RBM39: variants seen among roughly 807,000 people sequenced by gnomAD.
RBM39 encodes RNA-binding protein 39.
Under a neutral mutation model 79.6 loss-of-function variants are expected in RBM39, and 12 were observed. That is an observed-to-expected ratio of 0.15 (90% CI 0.10 to 0.24). RBM39 has a LOEUF of 0.24. RBM39 is among the 10% of genes least tolerant of loss of function. The pLI is 1.00. For missense variants in RBM39, 243 were observed against 653.4 expected, an observed-to-expected ratio of 0.37 and a Z score of 6.85; for synonymous variants, 185 against 208.4, an observed-to-expected ratio of 0.89 and a Z score of 0.97.
intron 4 of RBM39, among the ~76,000 whole-genome samples, chr20:35,730,537 A>G (rs1168962487): frequency 6.6e-6 from 1 of 152,152 alleles, no homozygotes; most frequent in African/African-American, 2.4e-5. Flanking sequence ...ACAGTTCTCA[A>G]GTAATTAGTT....
At chr20:35,715,031 T>C (rs1342844882) in intron 10 of RBM39, among the ~76,000 whole-genome samples, 2 of 152,254 alleles carry the variant, frequency 1.3e-5, no homozygotes, top group Non-Finnish European at 2.9e-5. Flanking sequence ...AACAGCCTAA[T>C]GACCAGTAAG....
At chr20:35,705,404 A>G in intron 14 of RBM39, 74 bp from the exon 15 acceptor site, 2 of 838,628 alleles carry the variant, frequency 2.4e-6, no homozygotes, top group Admixed American at 6.1e-5. Flanking sequence ...GTATCAAAAA[A>G]TTTAAATATT....
intron 8 of RBM39, 76 bp downstream of exon 8, chr20:35,724,494 A>G (rs1050592580): frequency 1.4e-5 from 19 of 1,387,244 alleles, no homozygotes; most frequent in Non-Finnish European, 1.6e-5. Flanking sequence ...GTCACAGAAC[A>G]CAACAGCACT....
At chr20:35,723,095 T>C (rs193060799) in intron 8 of RBM39, among the ~76,000 whole-genome samples, 189 of 152,130 alleles carry the variant, frequency 1.2e-3, no homozygotes, top group Middle Eastern at 6.8e-3. Flanking sequence ...CAACATTCAC[T>C]AAAATACTCT....
Position 35,720,837 on chromosome 20 carries a change from C to A in RBM39, c.825+903G>T, listed in dbSNP as rs577467920. ...GGTCACATACTGTTAGGCAGAACAG[C>A]CTTGCCAGAGGGGCATTCACCCACT... is the stretch of plus-strand genomic sequence containing the variant. On this transcript the variant is annotated intron_variant, in intron 9 of 16. Transcript: ENST00000253363. Among the ~76,000 whole-genome samples, 11 of 152,284 alleles carry A rather than the reference C, an allele frequency of 7.2e-5. No homozygotes were observed. In the East Asian group the frequency reaches 2.1e-3, roughly 29 times the overall value.
chr20:35,724,068 ACAAC>A (rs953983677), intron 8 of RBM39, among the ~76,000 whole-genome samples: 2 of 152,004 alleles, frequency 1.3e-5, no homozygotes, highest in Non-Finnish European at 2.9e-5. Context: ...GTGGTGGCTC[ACAAC>A]TGTAATCTCA....
chr20:35,721,657 TAAC>T lies in RBM39; in HGVS notation c.825+80_825+82del. On this transcript the variant is annotated intron_variant, in intron 9 of 16. Transcript: ENST00000253363. The stretch of plus-strand genomic sequence containing the variant: ...CTCTTAATATTAACTCACAGAAAGA[TAAC>T]AAAGCAAGACATACAGAAATTATGT... 2.0e-6 allele frequency: 3 copies of T among 1,473,066 alleles called. No individual in the cohort carries two copies. In the South Asian group the frequency reaches 3.9e-5, roughly 19 times the overall value. 91.2% of individuals were successfully genotyped at this position (1,473,066 alleles called of 1,614,324 possible).
intron 6 of RBM39, among the ~76,000 whole-genome samples, chr20:35,727,713 G>C (rs1195769463): frequency 6.8e-6 from 1 of 148,060 alleles, no homozygotes; most frequent in Non-Finnish European, 1.5e-5. Flanking sequence ...GCAATGGCGC[G>C]ATCTCGGCTC....
intron 3 of RBM39, among the ~76,000 whole-genome samples, chr20:35,735,925 A>C (rs561120273): frequency 2.0e-5 from 3 of 152,362 alleles, no homozygotes; most frequent in African/African-American, 7.2e-5. Context: ...CTTGATGCTC[A>C]GCTTCCTTGT....
intron 2 of RBM39, 186 bp from the exon 3 acceptor site, chr20:35,739,203 A>G: frequency 1.6e-6 from 1 of 634,536 alleles, no homozygotes. Context: ...TGTTGCTTAC[A>G]TTTAAGTCAT....
intron 6 of RBM39, among the ~76,000 whole-genome samples, chr20:35,726,021 A>G (rs1239402964): frequency 2.0e-5 from 3 of 152,152 alleles, no homozygotes; most frequent in African/African-American, 7.2e-5. Flanking sequence ...AAACTATTCA[A>G]TGTAACTCAA....
At chr20:35,734,390 T>G (rs2039691538) in intron 3 of RBM39, 1 of 331,006 alleles carries the variant, frequency 3.0e-6, no homozygotes, top group African/African-American at 2.2e-5. Context: ...TAGGTAACAC[T>G]CCAATTTTGT....
At chr20:35,715,015 G>C (rs938218610) in intron 10 of RBM39, among the ~76,000 whole-genome samples, 1 of 152,154 alleles carries the variant, frequency 6.6e-6, no homozygotes, top group Admixed American at 6.5e-5. Flanking sequence ...GTTCATTGAC[G>C]TACGTAACAG....
chr20:35,740,300 C>G (rs567074858), intron 2 of RBM39: 1 of 287,404 alleles, frequency 3.5e-6, no homozygotes, highest in African/African-American at 2.2e-5. Flanking sequence ...TATCACCAGT[C>G]TTACATAGAT....
chr20:35,703,685 A>T lies in RBM39; in HGVS notation c.*796T>A, dbSNP rs1337211909. On this transcript the variant is annotated 3_prime_UTR_variant, in exon 17 of 17. Transcript: ENST00000253363. ...ATATGAAAGTCATTTGTTTGATAGA[A>T]ATATCAAGCTGTCTTGTCAAACACA... is the stretch of plus-strand genomic sequence containing the variant. The T allele has an allele frequency of 6.6e-6, 1 of 152,670 alleles. No individual in the cohort carries two copies. Among genetic ancestry groups the T allele is most frequent in the Non-Finnish European group, 1.5e-5 (1 of 68,040 alleles). 9.5% of individuals were successfully genotyped at this position (152,670 alleles called of 1,614,324 possible). A position where few individuals can be genotyped will look rare whatever the true frequency, so the allele number is the denominator to read the frequency against.
intron 6 of RBM39, among the ~76,000 whole-genome samples, chr20:35,728,420 T>C (rs780547083): frequency 1.3e-5 from 2 of 152,208 alleles, no homozygotes; most frequent in Non-Finnish European, 2.9e-5. Context: ...AATCATTACA[T>C]GTCCATTAAA....
chr20:35,711,561 A>T (rs79096209), intron 12 of RBM39, among the ~76,000 whole-genome samples: 1,543 of 152,316 alleles, frequency 0.01, 15 homozygotes, highest in African/African-American at 0.035. Flanking sequence ...CTAGGGAGTA[A>T]CTGCTTGTCA....
chr20:35,732,447 T>G, intron 3 of RBM39: 1 of 280,022 alleles, frequency 3.6e-6, no homozygotes, highest in Non-Finnish European at 6.9e-6. Context: ...TCCCAGCTAC[T>G]CGGGAGGCTA....
intron 2 of RBM39, chr20:35,739,631 A>G (rs1466529475): frequency 2.3e-6 from 1 of 437,964 alleles, no homozygotes; most frequent in Non-Finnish European, 4.9e-6. Flanking sequence ...CACCAAGTCC[A>G]GCCTAAACAT....
Sources: gnomAD v4.1 joint callset for allele counts (sites outside exome capture counted in the v4.1 genomes callset) on GRCh38, gnomAD v4.1.1 for gene constraint, MANE v1.5 for transcripts, NCBI Gene and HGNC (gene_info 2026-07-23, HGNC 2026-07-21) for gene names.